TRIM67: variants seen among roughly 807,000 people sequenced by gnomAD.
TRIM67 encodes tripartite motif containing 67.
TRIM67 carries 39 observed loss-of-function variants against 71.0 expected under a neutral mutation model. That is an observed-to-expected ratio of 0.55 (90% CI 0.43 to 0.72). The LOEUF is 0.72. TRIM67 is among the 30% of genes least tolerant of loss of function. TRIM67 has a pLI of 0.00. For missense variants in TRIM67, 973 were observed against 1,079.2 expected, an observed-to-expected ratio of 0.90 and a Z score of 1.38; for synonymous variants, 481 against 473.9, an observed-to-expected ratio of 1.01 and a Z score of -0.19.
intron 7 of TRIM67, among the ~76,000 whole-genome samples, chr1:231,207,598 G>A (rs1020292909): frequency 1.3e-5 from 2 of 152,188 alleles, no homozygotes; most frequent in African/African-American, 4.8e-5. Flanking sequence ...TTATCATTTA[G>A]TCCACACATC....
chr1:231,195,468 G>A (rs1405910036), intron 1 of TRIM67, among the ~76,000 whole-genome samples: 1 of 152,322 alleles, frequency 6.6e-6, no homozygotes, highest in East Asian at 1.9e-4. Context: ...TACACTGTGG[G>A]CCAGCTATGG....
At chr1:231,194,677 A>T (rs1485799147) in intron 1 of TRIM67, among the ~76,000 whole-genome samples, 1 of 152,148 alleles carries the variant, frequency 6.6e-6, no homozygotes, top group African/African-American at 2.4e-5. Flanking sequence ...TGTGATTCAG[A>T]AACAAATGTG....
chr1:231,214,117 C>A, intron 9 of TRIM67, 140 bp downstream of exon 9: 1 of 1,104,790 alleles, frequency 9.1e-7, no homozygotes, highest in Non-Finnish European at 1.3e-6. Flanking sequence ...AACTGGCCTG[C>A]CTTGGACATT....
rs1682338924 is a variant in TRIM67, at chr1:231,163,166, C to T, written c.197C>T (p.Ser66Phe). 1.3e-6 allele frequency: 2 copies of T among 1,507,220 alleles called. No homozygotes were observed. The highest frequency in any genetic ancestry group is 2.8e-5 in the African/African-American group (2 of 70,308). The allele number at this position is 1,507,220 out of a possible 1,614,324, so 93.4% of individuals were successfully genotyped here. A position where few individuals can be genotyped will look rare whatever the true frequency, so the allele number is the denominator to read the frequency against. The change falls in exon 1 of 10, where the codon TCT (serine) becomes TTT (phenylalanine). Residue 66 changes from serine (S) to phenylalanine (F), a missense_variant. Coordinates refer to ENST00000366653, the MANE Select transcript of TRIM67 (RefSeq NM_001004342.5). Reference protein sequence around the residue: ...GLQAGAAAAASLEHDAAAGPA... With the variant: ...GLQAGAAAAAFLEHDAAAGPA... ...CAGGCGGGCGCCGCCGCCGCTGCCTCTCTGGAGCACGACGCTGCGGCTGGC... is the reference window on the plus strand; with the variant it reads ...CAGGCGGGCGCCGCCGCCGCTGCCTTTCTGGAGCACGACGCTGCGGCTGGC...
At chr1:231,202,942 G>A (rs1683591818) in intron 5 of TRIM67, among the ~76,000 whole-genome samples, 1 of 152,110 alleles carries the variant, frequency 6.6e-6, no homozygotes, top group Non-Finnish European at 1.5e-5. Flanking sequence ...GGGGTAACTG[G>A]ACTGGATGGG....
At chr1:231,168,078 C>T (rs1571867445) in intron 1 of TRIM67, among the ~76,000 whole-genome samples, 1 of 152,110 alleles carries the variant, frequency 6.6e-6, no homozygotes. Flanking sequence ...CCTCCCACCT[C>T]CGCCTCCCAA....
Position 231,199,096 on chromosome 1 carries a change from T to C in TRIM67, c.1190T>C (p.Leu397Pro), listed in dbSNP as rs995847043. The change falls in exon 3 of 10, where the codon CTT (leucine) becomes CCT (proline). Residue 397 changes from leucine (L) to proline (P), a missense_variant. This residue lies in a region of TRIM67 where 795 missense variants were observed against 831.3 expected (regional missense o/e 0.96). Coordinates refer to ENST00000366653, the MANE Select transcript of TRIM67 (RefSeq NM_001004342.5). ...TGCCTCGTTGCTCAGTGTGATGCCC[T>C]TGTGGATGCTTTAACTCGTCAGAAA... The part of the protein sequence containing the change: ...EACLVAQCDA[L>P]VDALTRQKAK... The C allele has an allele frequency of 6.2e-7, 1 of 1,614,008 alleles. No homozygotes were observed. The highest frequency in any genetic ancestry group is 1.1e-5 in the South Asian group (1 of 91,090).
At chr1:231,178,869 C>A (rs1682826485) in intron 1 of TRIM67, among the ~76,000 whole-genome samples, 1 of 152,216 alleles carries the variant, frequency 6.6e-6, no homozygotes, top group Non-Finnish European at 1.5e-5. Flanking sequence ...GTTCCTATTA[C>A]ACCTTCGGGG....
chr1:231,216,590 G>A lies in TRIM67; in HGVS notation c.*1150G>A. ...CATCATGAACACAAGTGGCCCCTGTGGCAGGCCGGGACGGCTCTGCCCTGA... is the reference window on the plus strand; with the variant it reads ...CATCATGAACACAAGTGGCCCCTGTAGCAGGCCGGGACGGCTCTGCCCTGA... On this transcript the variant is annotated 3_prime_UTR_variant, in exon 10 of 10. Transcript: ENST00000366653. 3.0e-6 allele frequency: 3 copies of A among 985,540 alleles called. No homozygotes were observed. The highest frequency in any genetic ancestry group is 3.6e-6 in the Non-Finnish European group (3 of 829,988). The allele number at this position is 985,540 out of a possible 1,614,324, so 61.0% of individuals were successfully genotyped here.
rs2102767718 is a variant in TRIM67, at chr1:231,215,491, A to G, written c.*51A>G. ...TGTGACAGTGACATTCACAGGCAAA[A>G]CGCCCACCATTCTCACTAAGCTCAA... On this transcript the variant is annotated 3_prime_UTR_variant, in exon 10 of 10. Transcript: ENST00000366653. 1 of 1,532,364 alleles carries G rather than the reference A, an allele frequency of 6.5e-7. No individual in the cohort carries two copies. The highest frequency in any genetic ancestry group is 8.8e-7 in the Non-Finnish European group (1 of 1,132,066). The allele number at this position is 1,532,364 out of a possible 1,614,324, so 94.9% of individuals were successfully genotyped here.
At position 231,163,723 on chromosome 1, in the gene TRIM67, C is replaced by G; in HGVS notation, c.754C>G (p.Gln252Glu). 1.3e-6 allele frequency: 2 copies of G among 1,497,422 alleles called. No homozygotes were observed. Among genetic ancestry groups the G allele is most frequent in the Non-Finnish European group, 1.8e-6 (2 of 1,124,478 alleles). The allele number at this position is 1,497,422 out of a possible 1,614,324, so 92.8% of individuals were successfully genotyped here. ...ACCCTTCGCCAAGCATCGCCTGGTG[C>G]AGCCGCCGCCGCCGCCGCCGCCGCC... is the stretch of plus-strand genomic sequence containing the variant. ...RGPFAKHRLV[Q>E]PPPPPPPPAE... The change falls in exon 1 of 10, where the codon CAG becomes GAG. Residue 252 changes from glutamine to glutamate, a missense_variant. Coordinates refer to ENST00000366653, the MANE Select transcript of TRIM67 (RefSeq NM_001004342.5).
intron 1 of TRIM67, 108 bp from the exon 2 acceptor site, chr1:231,197,263 G>T (rs1239596016): frequency 2.1e-5 from 17 of 796,594 alleles, no homozygotes; most frequent in Non-Finnish European, 1.9e-5. Flanking sequence ...GCAGATGCGT[G>T]GGATCAGTCC....
chr1:231,214,737 CCA>C (rs1291377862), intron 9 of TRIM67, among the ~76,000 whole-genome samples: 1 of 149,080 alleles, frequency 6.7e-6, no homozygotes, highest in Non-Finnish European at 1.5e-5. Flanking sequence ...CGAGATCGCA[CCA>C]CTGCACTCCA....
chr1:231,175,235 G>C (rs1477607845), intron 1 of TRIM67, among the ~76,000 whole-genome samples: 2 of 152,192 alleles, frequency 1.3e-5, no homozygotes, highest in Admixed American at 6.5e-5. Flanking sequence ...ATGAGTGTTT[G>C]TCCTGCACAC....
At position 231,219,134 on chromosome 1, in the gene TRIM67, G is replaced by A; in HGVS notation, c.*3694G>A. 1.0e-6 allele frequency: 1 copy of A among 985,476 alleles called. No homozygotes were observed. The highest frequency in any genetic ancestry group is 1.2e-6 in the Non-Finnish European group (1 of 830,012). The allele number at this position is 985,476 out of a possible 1,614,324, so 61.0% of individuals were successfully genotyped here. The stretch of plus-strand genomic sequence containing the variant: ...GTCAATCCTTAGGGGGAGTCAACAT[G>A]TGAATGCTAAAGAACACTGCTGCAC... On this transcript the variant is annotated 3_prime_UTR_variant, in exon 10 of 10. Coordinates refer to ENST00000366653, the MANE Select transcript of TRIM67 (RefSeq NM_001004342.5).
chr1:231,168,693 AG>A (rs1260402216), intron 1 of TRIM67, among the ~76,000 whole-genome samples: 1 of 152,242 alleles, frequency 6.6e-6, no homozygotes, highest in Non-Finnish European at 1.5e-5. Flanking sequence ...ACATGTATCT[AG>A]ATTTTCATAT....
At position 231,184,773 on chromosome 1, in the gene TRIM67, G is replaced by T. The variant is rs1439174825; in HGVS notation, c.1045-12598G>T. 5.4e-6 allele frequency: 3 copies of T among 551,056 alleles called. No homozygotes were observed. In the Admixed American group the frequency reaches 9.5e-5, roughly 17 times the overall value. The allele number at this position is 551,056 out of a possible 1,614,324, so 34.1% of individuals were successfully genotyped here. On this transcript the variant is annotated intron_variant, in intron 1 of 9. Transcript: ENST00000366653. ...TACCGAGAACCACCATGAGTAGAGT[G>T]CCAGTCCCTGAACCCAGGGCCTTCC...
In TRIM67 at chr1:231,163,215, G is replaced by C; in HGVS notation, c.246G>C (p.Gly82=). 12 of 1,494,320 alleles carry C rather than the reference G, an allele frequency of 8.0e-6. No homozygotes were observed. The highest frequency in any genetic ancestry group is 8.9e-6 in the Non-Finnish European group (10 of 1,122,544). The allele number at this position is 1,494,320 out of a possible 1,614,324, so 92.6% of individuals were successfully genotyped here. Residue 82 remains glycine (G), a synonymous_variant, in exon 1 of 10, where the codon GGG becomes GGC. Transcript: ENST00000366653. The part of the protein sequence containing the change: ...AAGPACGGAG[G]SAAGGLGGGA... ...GCCCGGCCTGCGGCGGTGCAGGCGG[G>C]AGTGCAGCTGGCGGCCTCGGCGGCG...
chr1:231,172,369 C>A lies in TRIM67; in HGVS notation c.1044+8356C>A, dbSNP rs1039522913. Among the ~76,000 whole-genome samples, 3 of 152,114 alleles carry A rather than the reference C, an allele frequency of 2.0e-5. No homozygotes were observed. In the South Asian group the frequency reaches 6.2e-4, roughly 32 times the overall value. ...CGAAGGTGGGGACGGGATGGGGGAGCTTCAATGTCCTGTTTGGGACGAATA... is the reference window on the plus strand; with the variant it reads ...CGAAGGTGGGGACGGGATGGGGGAGATTCAATGTCCTGTTTGGGACGAATA... On this transcript the variant is annotated intron_variant, in intron 1 of 9. Coordinates refer to ENST00000366653, the MANE Select transcript of TRIM67 (RefSeq NM_001004342.5).
Sources: gnomAD v4.1 joint callset for allele counts (sites outside exome capture counted in the v4.1 genomes callset) on GRCh38, gnomAD v4.1.1 for gene constraint, gnomAD v4.1.1 regional missense constraint, MANE v1.5 for transcripts, NCBI Gene and HGNC (gene_info 2026-07-23, HGNC 2026-07-21) for gene names.